NLRP12: variants seen among roughly 807,000 people sequenced by gnomAD.
NLRP12 encodes the protein NACHT, LRR and PYD domains-containing protein 12.
A neutral mutation model predicts 91.2 loss-of-function variants in NLRP12; 108 were observed. That is an observed-to-expected ratio of 1.18 (90% CI 1.01 to 1.39). The LOEUF is 1.39. Among genes scored for constraint, NLRP12 ranks in the 40% most tolerant of loss-of-function variants. The pLI, the probability that NLRP12 is intolerant of heterozygous loss-of-function variation, is 0.00. For missense variants in NLRP12, 1,530 were observed against 1,352.7 expected (o/e 1.13, Z -2.06); for synonymous variants, 613 against 566.7 (o/e 1.08, Z -1.16).
chr19:53,801,437 CCTTT>C (rs935250815), intron 6 of NLRP12, 40 bp from the exon 7 acceptor site: 15 of 1,529,102 alleles, frequency 9.8e-6, no homozygotes, highest in East Asian at 4.6e-5. Context: ...TGGAGGCTTT[CCTTT>C]CTTTTTCTTT....
At chr19:53,819,054 G>A (rs564322725) in intron 1 of NLRP12, among the ~76,000 whole-genome samples, 8 of 152,204 alleles carry the variant, frequency 5.3e-5, no homozygotes, top group Non-Finnish European at 7.4e-5. Context: ...GATGCAGTCC[G>A]GGGAAGAACG....
chr19:53,801,220 GAC>G lies in NLRP12; in HGVS notation c.2756+5_2756+6del. 2.5e-6 allele frequency: 4 copies of G among 1,613,586 alleles called. No homozygotes were observed. The highest frequency in any genetic ancestry group is 3.4e-6 in the Non-Finnish European group (4 of 1,179,680). On this transcript the variant is annotated splice_donor_5th_base_variant and intron_variant, in intron 7 of 9. Transcript: ENST00000324134. ...ACTCCTAGCGTGGTGAGCAAAACGGGACTCACCGCAGGGTCTGGAGCTTGCAC... is the reference window on the plus strand; with the variant it reads ...ACTCCTAGCGTGGTGAGCAAAACGGGTCACCGCAGGGTCTGGAGCTTGCAC...
intron 4 of NLRP12, chr19:53,805,803 C>A: frequency 2.9e-6 from 1 of 344,598 alleles, no homozygotes; most frequent in Non-Finnish European, 5.6e-6. Flanking sequence ...CAGGCGTGAG[C>A]CATCATACCT....
intron 3 of NLRP12, 52 bp downstream of exon 3, chr19:53,809,535 A>AAAAAAAC (rs2092020623): frequency 6.9e-7 from 1 of 1,448,716 alleles, no homozygotes; most frequent in Non-Finnish European, 9.3e-7. Context: ...AAAAAAAAAA[A>AAAAAAAC]AAAAAACACA....
chr19:53,813,567 G>A (rs940010621), intron 2 of NLRP12, among the ~76,000 whole-genome samples: 3 of 152,170 alleles, frequency 2.0e-5, no homozygotes, highest in Admixed American at 1.3e-4. Context: ...CTCCTAAAGT[G>A]CTGGGATTAC....
chr19:53,813,949 G>A (rs1379842500), intron 2 of NLRP12, among the ~76,000 whole-genome samples: 3 of 152,014 alleles, frequency 2.0e-5, no homozygotes, highest in South Asian at 4.1e-4. Flanking sequence ...GGGATTACAG[G>A]CGTGAGCCAC....
At chr19:53,807,218 C>A (rs2091974330) in intron 4 of NLRP12, among the ~76,000 whole-genome samples, 1 of 152,170 alleles carries the variant, frequency 6.6e-6, no homozygotes, top group Admixed American at 6.6e-5. Context: ...CAGGCGCCCG[C>A]CACCACACCC....
chr19:53,803,330 T>C (rs572150240), intron 6 of NLRP12, among the ~76,000 whole-genome samples: 4 of 152,098 alleles, frequency 2.6e-5, no homozygotes, highest in South Asian at 2.1e-4. Context: ...TATAGGCATG[T>C]GCCACCACGC....
At chr19:53,794,321 A>G (rs1208868200) in intron 9 of NLRP12, among the ~76,000 whole-genome samples, 185 bp from the exon 10 acceptor site, 1 of 151,076 alleles carries the variant, frequency 6.6e-6, no homozygotes, top group African/African-American at 2.4e-5. Context: ...TGTTAACTGC[A>G]TAATTTTTTT....
At chr19:53,811,428 C>T in intron 2 of NLRP12, 140 bp from the exon 3 acceptor site, 1 of 943,056 alleles carries the variant, frequency 1.1e-6, no homozygotes, top group South Asian at 1.4e-5. Flanking sequence ...ATGGGAGAAT[C>T]ACTTGAACCC....
intron 9 of NLRP12, among the ~76,000 whole-genome samples, chr19:53,795,116 G>C (rs576428568): frequency 3.3e-5 from 5 of 150,268 alleles, no homozygotes; most frequent in East Asian, 3.9e-4. Flanking sequence ...GCGTGTGTGT[G>C]TGTGTGTGTG....
rs2091696372 is a variant in NLRP12, at chr19:53,793,878, C to T, written c.*171G>A. On this transcript the variant is annotated 3_prime_UTR_variant, in exon 10 of 10. Transcript: ENST00000324134. ...AGGATTACATACATGAGCCACCACG[C>T]CTGGCCAGCTCTGTCAAACATTAAT... 1.4e-6 allele frequency: 1 copy of T among 696,188 alleles called. No homozygotes were observed. The highest frequency in any genetic ancestry group is 1.5e-5 in the South Asian group (1 of 65,852). 43.1% of individuals were successfully genotyped at this position (696,188 alleles called of 1,614,324 possible). A position where few individuals can be genotyped will look rare whatever the true frequency, so the allele number is the denominator to read the frequency against.
intron 7 of NLRP12, among the ~76,000 whole-genome samples, chr19:53,800,257 A>G (rs1201681135): frequency 6.6e-6 from 1 of 151,972 alleles, no homozygotes; most frequent in Non-Finnish European, 1.5e-5. Context: ...GTAAGCTGAG[A>G]TCGCGCCACC....
intron 5 of NLRP12, among the ~76,000 whole-genome samples, chr19:53,804,495 T>C (rs1326721526): frequency 1.3e-5 from 2 of 149,300 alleles, no homozygotes; most frequent in Non-Finnish European, 3.0e-5. Context: ...ACCTCCTGGG[T>C]TCAAGTGATT....
At chr19:53,808,388 TCA>T (rs1421464271) in intron 3 of NLRP12, 1 of 158,082 alleles carries the variant, frequency 6.3e-6, no homozygotes, top group Admixed American at 5.9e-5. Context: ...ATTGGCTTAT[TCA>T]CACAGTCTTC....
chr19:53,810,014 C>G lies in NLRP12; in HGVS notation c.1645G>C (p.Ala549Pro), dbSNP rs761571455. The G allele has an allele frequency of 1.2e-6, 2 of 1,614,100 alleles. No homozygotes were observed. The highest frequency in any genetic ancestry group is 1.3e-5 in the African/African-American group (1 of 75,036). Reference sequence around the variant, plus strand: ...GCCAGGAAGCTCCTTTCAGAAAACGCGTACTCGGTCAACAGCCTGGTCACG... The same window carrying G: ...GCCAGGAAGCTCCTTTCAGAAAACGGGTACTCGGTCAACAGCCTGGTCACG... ...QDVTRLLTEY[A>P]FSERSFLALT... The change falls in exon 3 of 10, where the codon GCG becomes CCG. Residue 549 changes from alanine to proline, a missense_variant. Ala to Pro is a conservative substitution (Grantham distance 27). Transcript: ENST00000324134.
chr19:53,816,714 G>C (rs905525643), intron 1 of NLRP12, among the ~76,000 whole-genome samples: 9 of 151,608 alleles, frequency 5.9e-5, no homozygotes, highest in African/African-American at 2.2e-4. Context: ...AATAATTTTT[G>C]TATTTTTAGT....
intron 7 of NLRP12, among the ~76,000 whole-genome samples, chr19:53,799,489 C>CT (rs796614006): frequency 0.014 from 1,993 of 143,000 alleles, 33 homozygotes; most frequent in African/African-American, 0.044. Context: ...ACAAATTTTT[C>CT]TTTTTTTTTT....
intron 9 of NLRP12, among the ~76,000 whole-genome samples, chr19:53,795,166 G>A (rs1357938554): frequency 6.6e-6 from 1 of 151,188 alleles, no homozygotes; most frequent in East Asian, 1.9e-4. Flanking sequence ...AACTCAGCCT[G>A]TCAAAGTACT....
Sources: gnomAD v4.1 joint callset for allele counts (sites outside exome capture counted in the v4.1 genomes callset) on GRCh38, gnomAD v4.1.1 for gene constraint, MANE v1.5 for transcripts, NCBI Gene and HGNC (gene_info 2026-07-23, HGNC 2026-07-21) for gene names.